The following POLR1F variants were observed in gnomAD, a reference collection of about 807,000 sequenced individuals.
POLR1F encodes the protein DNA-directed RNA polymerase I subunit RPA43.
Under a neutral mutation model 21.8 loss-of-function variants are expected in POLR1F, and 23 were observed. That is an observed-to-expected ratio of 1.05 (90% CI 0.76 to 1.49). The LOEUF is 1.49. Ranked by LOEUF, POLR1F falls within the 40% of genes most tolerant of loss-of-function variation. The pLI, the probability that POLR1F is intolerant of heterozygous loss-of-function variation, is 0.00. For synonymous variants in POLR1F, 162 were observed against 152.8 expected (o/e 1.06, Z -0.45); for missense variants, 435 against 412.1 (o/e 1.06, Z -0.48).
intron 2 of POLR1F, among the ~76,000 whole-genome samples, chr7:19,702,442 A>G (rs940198115): frequency 6.6e-6 from 1 of 152,212 alleles, no homozygotes. Context: ...CACAGACTTA[A>G]ATGGAAAAGC....
At chr7:19,706,668 T>C (rs1783530152) in intron 1 of POLR1F, among the ~76,000 whole-genome samples, 1 of 152,218 alleles carries the variant, frequency 6.6e-6, no homozygotes, top group Non-Finnish European at 1.5e-5. Flanking sequence ...AAGTCATCTT[T>C]GCACAGTTTT....
At chr7:19,700,392 A>G in intron 2 of POLR1F, 112 bp from the exon 3 acceptor site, 1 of 785,734 alleles carries the variant, frequency 1.3e-6, no homozygotes. Context: ...ACATCAAATT[A>G]ATGGTCTAAT....
Position 19,700,251 on chromosome 7 carries a change from G to A in POLR1F, c.426C>T (p.His142=), listed in dbSNP as rs773183168. ...MGIVNKVSSS[H]IGCLVHGCFN... is the part of the protein sequence containing the mutation. Reference sequence around the variant, plus strand: ...AACACCCATGTACTAAACAGCCAATGTGGCTAGAAGACACTTTATTAACTA... The same window carrying A: ...AACACCCATGTACTAAACAGCCAATATGGCTAGAAGACACTTTATTAACTA... Residue 142 remains histidine, a synonymous_variant, in exon 3 of 4, where the codon CAC becomes CAT. Transcript: ENST00000222567. The A allele has an allele frequency of 4.6e-5, 75 of 1,613,610 alleles. No individual in the cohort carries two copies. In the South Asian group the frequency reaches 6.4e-4, roughly 14 times the overall value.
rs1783353274 is a variant in POLR1F, at chr7:19,695,709, A to C, written c.*2607T>G. 1 of 152,268 alleles carries C rather than the reference A, an allele frequency of 6.6e-6. No individual in the cohort carries two copies. Among genetic ancestry groups the C allele is most frequent in the African/African-American group, 2.4e-5 (1 of 41,582 alleles). The allele number at this position is 152,268 out of a possible 1,614,324, so 9.4% of individuals were successfully genotyped here. On this transcript the variant is annotated 3_prime_UTR_variant, in exon 4 of 4. Transcript: ENST00000222567. Reference sequence around the variant, plus strand: ...AAGAAAAATAAGAATTATGGTTATGAAGCATGCACATTTAGCCTTGTCTGG... The same window carrying C: ...AAGAAAAATAAGAATTATGGTTATGCAGCATGCACATTTAGCCTTGTCTGG...
chr7:19,698,774 C>T (rs1783410194), intron 3 of POLR1F, 47 bp from the exon 4 acceptor site: 1 of 1,445,798 alleles, frequency 6.9e-7, no homozygotes, highest in African/African-American at 1.4e-5. Flanking sequence ...AAGCAAAAAA[C>T]AAAGAACAAA....
At chr7:19,698,776 A>G (rs1428314378) in intron 3 of POLR1F, 49 bp from the exon 4 acceptor site, 2 of 1,443,228 alleles carry the variant, frequency 1.4e-6, no homozygotes, top group African/African-American at 2.9e-5. Context: ...GCAAAAAACA[A>G]AGAACAAATT....
chr7:19,702,889 C>T (rs1783463320), intron 2 of POLR1F, among the ~76,000 whole-genome samples: 1 of 152,098 alleles, frequency 6.6e-6, no homozygotes, highest in African/African-American at 2.4e-5. Flanking sequence ...AATAACGATA[C>T]AGAGTAAATG....
At position 19,702,263 on chromosome 7, in the gene POLR1F, A is replaced by G. The variant is rs896390045; in HGVS notation, c.397-1983T>C. Among the ~76,000 whole-genome samples, 34 of 152,320 alleles carry G rather than the reference A, an allele frequency of 2.2e-4. 1 individual carries two copies. The highest frequency in any genetic ancestry group is 7.0e-4 in the African/African-American group (29 of 41,574). On this transcript the variant is annotated intron_variant, in intron 2 of 3. Coordinates refer to ENST00000222567, the MANE Select transcript of POLR1F (RefSeq NM_001002926.2). ...ATGGGAACTCTATACTCTCCATTCA[A>G]TTTTTCTGTAAACCTAAAACTGCTG...
rs1296133523 is a variant in POLR1F, at chr7:19,704,855, T to G, written c.320A>C (p.Asp107Ala). The change falls in exon 2 of 4, where the codon GAT (aspartate) becomes GCT (alanine). Residue 107 changes from aspartate to alanine, a missense_variant. Coordinates refer to ENST00000222567, the MANE Select transcript of POLR1F (RefSeq NM_001002926.2). ...KVVGELGDIYDDQGHIHLNIE... is the reference protein window; with the variant it reads ...KVVGELGDIYADQGHIHLNIE... ...GTTAAGATGAATGTGTCCTTGATCA[T>G]CATAAATATCTCCAAGCTCTCCCAC... 6.2e-7 allele frequency: 1 copy of G among 1,608,730 alleles called. No homozygotes were observed. Among genetic ancestry groups the G allele is most frequent in the Non-Finnish European group, 8.5e-7 (1 of 1,177,984 alleles).
At chr7:19,698,865 C>G in intron 3 of POLR1F, 138 bp from the exon 4 acceptor site, 2 of 588,196 alleles carry the variant, frequency 3.4e-6, no homozygotes, top group South Asian at 9.5e-5. Context: ...GCATAAATTC[C>G]AAATATTCTA....
intron 1 of POLR1F, among the ~76,000 whole-genome samples, chr7:19,707,050 C>A (rs559805595): frequency 1.1e-3 from 168 of 152,328 alleles, no homozygotes; most frequent in African/African-American, 3.9e-3. Context: ...TTACAGAAAA[C>A]AAGATAGTTG....
Position 19,700,078 on chromosome 7 carries a change from A to G in POLR1F, c.599T>C (p.Ile200Thr), listed in dbSNP as rs1375025193. 6.2e-7 allele frequency: 1 copy of G among 1,612,920 alleles called. No individual in the cohort carries two copies. Among genetic ancestry groups the G allele is most frequent in the Non-Finnish European group, 8.5e-7 (1 of 1,179,086 alleles). ...TACGTAATGATAAACTAACCTTGTGATATTTAGTTTTCCCCGAATGCAGAA... is the reference window on the plus strand; with the variant it reads ...TACGTAATGATAAACTAACCTTGTGGTATTTAGTTTTCCCCGAATGCAGAA... ...GVFCIRGKLNITSLQFKRSEV... is the reference protein window; with the variant it reads ...GVFCIRGKLNTTSLQFKRSEV... The change falls in exon 3 of 4, where the codon ATC becomes ACC. Residue 200 changes from isoleucine to threonine, a missense_variant. Ile to Thr is a moderately conservative substitution (Grantham distance 89, BLOSUM62 -1). Transcript: ENST00000222567.
intron 3 of POLR1F, 23 bp downstream of exon 3, chr7:19,700,049 T>A (rs1006678319): frequency 1.9e-6 from 3 of 1,577,714 alleles, no homozygotes; most frequent in African/African-American, 2.7e-5. Context: ...TACCTAGTGA[T>A]AATTACGTAA....
chr7:19,705,030 C>A (rs1476015016), intron 1 of POLR1F, 110 bp from the exon 2 acceptor site: 5 of 1,121,082 alleles, frequency 4.5e-6, no homozygotes, highest in African/African-American at 1.6e-5. Flanking sequence ...GTGACATCAA[C>A]AGGGCTCACT....
rs1783407442 is a variant in POLR1F at position 19,698,634 on chromosome 7, TTTC to T, written c.696_698del (p.Lys233del). Reference sequence around the variant, plus strand: ...TGTCCACTTCATATGTCTCTGGGTCTTTCTTCTTTTTCTTCTTTTTAGGTTTTT... The same window carrying T: ...TGTCCACTTCATATGTCTCTGGGTCTTTCTTTTTCTTCTTTTTAGGTTTTT... On this transcript the variant is annotated inframe_deletion, in exon 4 of 4. Transcript: ENST00000222567. The T allele has an allele frequency of 6.3e-7, 1 of 1,592,606 alleles. No homozygotes were observed. Among genetic ancestry groups the T allele is most frequent in the Non-Finnish European group, 8.5e-7 (1 of 1,174,772 alleles).
In POLR1F at chr7:19,698,123, C is replaced by A. The variant is rs1783395154; in HGVS notation, c.*193G>T. 2.2e-6 allele frequency: 1 copy of A among 448,994 alleles called. No individual in the cohort carries two copies. The highest frequency in any genetic ancestry group is 3.5e-5 in the East Asian group (1 of 28,242). 27.8% of individuals were successfully genotyped at this position (448,994 alleles called of 1,614,324 possible). ...TATTTTGTATAAAATGGTATTTTAA[C>A]AATACTGGCTTTCCCCAAATTAATT... On this transcript the variant is annotated 3_prime_UTR_variant, in exon 4 of 4. Transcript: ENST00000222567.
intron 1 of POLR1F, among the ~76,000 whole-genome samples, chr7:19,708,377 T>A (rs12113905): frequency 0.031 from 4,660 of 152,252 alleles, 246 homozygotes; most frequent in African/African-American, 0.11. Flanking sequence ...GCAAACCAGA[T>A]TTTTATCGTC....
intron 2 of POLR1F, among the ~76,000 whole-genome samples, chr7:19,701,208 AATAAAG>A (rs1475442231): frequency 1.3e-5 from 2 of 152,230 alleles, no homozygotes; most frequent in Admixed American, 6.5e-5. Flanking sequence ...ATTATTCAGT[AATAAAG>A]ATAAATAAGT....
At chr7:19,705,603 C>CTG (rs1363417716) in intron 1 of POLR1F, among the ~76,000 whole-genome samples, 1 of 152,192 alleles carries the variant, frequency 6.6e-6, no homozygotes, top group Non-Finnish European at 1.5e-5. Context: ...AAATCCCAAA[C>CTG]TTCAACTGTT....
Sources: gnomAD v4.1 joint callset for allele counts (sites outside exome capture counted in the v4.1 genomes callset) on GRCh38, gnomAD v4.1.1 for gene constraint, MANE v1.5 for transcripts, NCBI Gene and HGNC (gene_info 2026-07-23, HGNC 2026-07-21) for gene names.